Variants in UTP6 observed in about 807,000 individuals in gnomAD.
UTP6 encodes the protein U3 small nucleolar RNA-associated protein 6 homolog.
In UTP6, 60 loss-of-function variants were observed where a neutral mutation model predicts 96.5. That is an observed-to-expected ratio of 0.62 (90% confidence interval 0.51 to 0.77). The LOEUF (loss-of-function observed/expected upper bound fraction) is 0.77. Ranked by LOEUF, UTP6 falls within the 30% of genes least tolerant of loss-of-function variation. The pLI is 0.00. For synonymous variants in UTP6, 215 were observed against 240.1 expected, an observed-to-expected ratio of 0.90 and a Z score of 0.96; for missense variants, 637 against 706.5, an observed-to-expected ratio of 0.90 and a Z score of 1.12.
At chr17:31,864,053 A>C (rs1456314496) in intron 18 of UTP6, among the ~76,000 whole-genome samples, 1 of 151,896 alleles carries the variant, frequency 6.6e-6, no homozygotes, top group East Asian at 1.9e-4. Context: ...CCTTCACATC[A>C]ATCATAAAAG....
Position 31,873,701 on chromosome 17 carries a change from C to T in UTP6, c.1358G>A (p.Ser453Asn), listed in dbSNP as rs1910325170. Residue 453 changes from serine (S) to asparagine (N), a missense_variant, in exon 15 of 19, where the codon AGC becomes AAC. By Grantham distance (46) the Ser-to-Asn change is conservative (BLOSUM62 1). Coordinates refer to ENST00000261708, the MANE Select transcript of UTP6 (RefSeq NM_018428.3). ...SWAEWSEGAK[S>N]QEDTEAVFKK... The stretch of plus-strand genomic sequence containing the variant: ...AAAGACTGCCTCAGTGTCTTCTTGG[C>T]TTTTGGCACCTTCACTCCACTCTGC... 6.2e-7 allele frequency: 1 copy of T among 1,612,984 alleles called. No homozygotes were observed. Among genetic ancestry groups the T allele is most frequent in the Non-Finnish European group, 8.5e-7 (1 of 1,179,864 alleles).
chr17:31,872,406 A>G (rs944281098), intron 16 of UTP6, among the ~76,000 whole-genome samples: 2 of 150,954 alleles, frequency 1.3e-5, no homozygotes, highest in African/African-American at 4.9e-5. Flanking sequence ...GGTGGCTTAC[A>G]CTTATAATCC....
At chr17:31,875,834 A>AG (rs1567781401) in intron 13 of UTP6, among the ~76,000 whole-genome samples, 1 of 151,764 alleles carries the variant, frequency 6.6e-6, no homozygotes. Context: ...AAAAAAAAAA[A>AG]AAAAGAAAAG....
chr17:31,874,559 A>AACC (rs1555573622), intron 14 of UTP6, among the ~76,000 whole-genome samples: 6,332 of 151,750 alleles, frequency 0.042, 443 homozygotes, highest in African/African-American at 0.14. Context: ...AAAAAGGAAA[A>AACC]ACCACCAAAT....
intron 17 of UTP6, 147 bp from the exon 18 acceptor site, chr17:31,865,585 G>T: frequency 1.4e-6 from 1 of 715,342 alleles, no homozygotes. Context: ...ACTTTTCTAG[G>T]AAAAAAATCA....
At chr17:31,885,126 G>A (rs1911077465) in intron 9 of UTP6, 1 of 151,970 alleles carries the variant, frequency 6.6e-6, no homozygotes, top group African/African-American at 2.4e-5. Flanking sequence ...CAAAATCTCA[G>A]ACATCACCAC....
At chr17:31,874,601 G>A (rs895166802) in intron 14 of UTP6, among the ~76,000 whole-genome samples, 1 of 151,568 alleles carries the variant, frequency 6.6e-6, no homozygotes, top group South Asian at 2.1e-4. Context: ...TTTATCTTCT[G>A]GAATACGTTT....
At position 31,880,567 on chromosome 17, in the gene UTP6, G is replaced by T. The variant is rs778928842; in HGVS notation, c.967+6C>A. The stretch of plus-strand genomic sequence containing the variant: ...CTATATCACACCATGGTTTGGTGAA[G>T]TTCACCTGTTGGCAGAGTCTTCACT... On this transcript the variant is annotated splice_donor_region_variant and intron_variant, in intron 11 of 18. Transcript: ENST00000261708. 6.2e-7 allele frequency: 1 copy of T among 1,614,094 alleles called. No individual in the cohort carries two copies. The highest frequency in any genetic ancestry group is 1.1e-5 in the South Asian group (1 of 91,084).
rs1598088365 is a variant in UTP6, at chr17:31,861,183, A to C, written c.*2176T>G. ...GAACCTAGGAGGCAGAGGTTGCAGT[A>C]AGACCACACCACTGCACTCCAGCCT... On this transcript the variant is annotated 3_prime_UTR_variant, in exon 19 of 19. Transcript: ENST00000261708. 1 of 151,922 alleles carries C rather than the reference A, an allele frequency of 6.6e-6. No individual in the cohort carries two copies. The highest frequency in any genetic ancestry group is 1.5e-5 in the Non-Finnish European group (1 of 68,010). The allele number at this position is 151,922 out of a possible 1,614,324, so 9.4% of individuals were successfully genotyped here.
chr17:31,874,170 GCTGT>G lies in UTP6; in HGVS notation c.1306-421_1306-418del, dbSNP rs532515772. The G allele has an allele frequency of 9.1e-5, 17 of 186,406 alleles. No individual in the cohort carries two copies. In the South Asian group the frequency reaches 1.9e-3, roughly 21 times the overall value. 11.5% of individuals were successfully genotyped at this position (186,406 alleles called of 1,614,324 possible). Reference sequence around the variant, plus strand: ...CCACAGCTACCCAGGTCATGTCTCTGCTGTCTAAGACCCACAACACAAGAACTAA... The same window carrying G: ...CCACAGCTACCCAGGTCATGTCTCTGCTAAGACCCACAACACAAGAACTAA... On this transcript the variant is annotated intron_variant, in intron 14 of 18. Coordinates refer to ENST00000261708, the MANE Select transcript of UTP6 (RefSeq NM_018428.3).
intron 2 of UTP6, among the ~76,000 whole-genome samples, chr17:31,898,477 A>G (rs1350263527): frequency 6.6e-6 from 1 of 151,802 alleles, no homozygotes; most frequent in Non-Finnish European, 1.5e-5. Flanking sequence ...GTGAGCCGAG[A>G]TCGCACCACT....
chr17:31,891,501 C>T (rs1911490813), intron 6 of UTP6, among the ~76,000 whole-genome samples: 1 of 152,044 alleles, frequency 6.6e-6, no homozygotes, highest in African/African-American at 2.4e-5. Flanking sequence ...AAGCCTAATA[C>T]CCTGAGAATA....
intron 6 of UTP6, among the ~76,000 whole-genome samples, chr17:31,890,224 GATCTC>G (rs1911410743): frequency 1.3e-5 from 2 of 151,720 alleles, no homozygotes; most frequent in African/African-American, 4.8e-5. Flanking sequence ...TCAAACTCCT[GATCTC>G]AAATGATCTG....
chr17:31,880,180 GA>G, intron 11 of UTP6: 1 of 215,676 alleles, frequency 4.6e-6, no homozygotes, highest in Non-Finnish European at 9.5e-6. Context: ...AGCACTTTGG[GA>G]GACCAAGGCA....
chr17:31,871,895 GAAA>G (rs892203104), intron 16 of UTP6, among the ~76,000 whole-genome samples: 1 of 146,118 alleles, frequency 6.8e-6, no homozygotes, highest in African/African-American at 2.5e-5. Flanking sequence ...CTGTCTCAAA[GAAA>G]AAAAAAATAT....
At chr17:31,892,213 T>C in intron 6 of UTP6, 47 bp downstream of exon 6, 1 of 1,595,984 alleles carries the variant, frequency 6.3e-7, no homozygotes, top group East Asian at 2.2e-5. Context: ...CCAAAATGGC[T>C]TGAGTCTAAA....
chr17:31,900,498 G>T (rs1904912920), intron 1 of UTP6, among the ~76,000 whole-genome samples: 1 of 151,904 alleles, frequency 6.6e-6, no homozygotes, highest in Admixed American at 6.6e-5. Context: ...CACCATATTG[G>T]CCAGGCTGGT....
At chr17:31,895,641 C>G (rs1446371320) in intron 2 of UTP6, among the ~76,000 whole-genome samples, 2 of 151,954 alleles carry the variant, frequency 1.3e-5, no homozygotes, top group Non-Finnish European at 2.9e-5. Context: ...TTAAGAGATT[C>G]TCCTGCCTCA....
chr17:31,878,170 A>T, intron 13 of UTP6, 80 bp downstream of exon 13: 1 of 1,432,308 alleles, frequency 7.0e-7, no homozygotes, highest in Non-Finnish European at 9.8e-7. Flanking sequence ...GACTATATAT[A>T]TTTAAAACAT....
Sources: gnomAD v4.1 joint callset for allele counts (sites outside exome capture counted in the v4.1 genomes callset) on GRCh38, gnomAD v4.1.1 for gene constraint, MANE v1.5 for transcripts, NCBI Gene and HGNC (gene_info 2026-07-23, HGNC 2026-07-21) for gene names.